Variants in CAMK2B observed in about 807,000 individuals in gnomAD.
CAMK2B encodes calcium/calmodulin-dependent protein kinase type II subunit beta.
In CAMK2B, 27 loss-of-function variants were observed where a neutral mutation model predicts 93.7. That is an observed-to-expected ratio of 0.29 (90% CI 0.21 to 0.40). The LOEUF is 0.40. Ranked by LOEUF, CAMK2B falls within the 10% of genes least tolerant of loss-of-function variation. CAMK2B has a pLI of 1.00. For synonymous variants in CAMK2B, 374 were observed against 358.8 expected (o/e 1.04, Z -0.48); for missense variants, 568 against 895.8 (o/e 0.63, Z 4.67).
intron 4 of CAMK2B, among the ~76,000 whole-genome samples, chr7:44,257,610 G>A (rs1156847483): frequency 1.3e-5 from 2 of 152,358 alleles, no homozygotes; most frequent in African/African-American, 2.4e-5. Context: ...AGCTCCCCAG[G>A]GCCACAGGAC....
chr7:44,260,280 T>C (rs1351116877), intron 3 of CAMK2B, among the ~76,000 whole-genome samples: 1 of 152,152 alleles, frequency 6.6e-6, no homozygotes, highest in Non-Finnish European at 1.5e-5. Context: ...CTGGCTCTGG[T>C]TCTCCCAGGG....
chr7:44,246,501 A>G (rs1029143466), intron 6 of CAMK2B, among the ~76,000 whole-genome samples: 2 of 152,196 alleles, frequency 1.3e-5, no homozygotes, highest in South Asian at 4.1e-4. Context: ...TCACATATGC[A>G]TGCGCATGAA....
chr7:44,220,776 GGT>G, intron 21 of CAMK2B, 48 bp downstream of exon 21: 6 of 1,562,904 alleles, frequency 3.8e-6, no homozygotes, highest in Non-Finnish European at 5.2e-6. Context: ...CCCCCCCAAG[GGT>G]CCCACATCCT....
intron 1 of CAMK2B, among the ~76,000 whole-genome samples, chr7:44,297,393 C>T (rs546994718): frequency 6.6e-6 from 1 of 151,800 alleles, no homozygotes; most frequent in South Asian, 2.1e-4. Context: ...CTCAATTAAA[C>T]CACAGAAAGC....
chr7:44,260,563 C>T (rs1164760767), intron 3 of CAMK2B, among the ~76,000 whole-genome samples: 4 of 152,194 alleles, frequency 2.6e-5, no homozygotes, highest in Non-Finnish European at 5.9e-5. Flanking sequence ...ATCTGCCCCT[C>T]TATGAAATAG....
In CAMK2B at chr7:44,228,940, T is replaced by A; in HGVS notation, c.1340-16A>T. 6.2e-7 allele frequency: 1 copy of A among 1,606,896 alleles called. No individual in the cohort carries two copies. Among genetic ancestry groups the A allele is most frequent in the Non-Finnish European group, 8.5e-7 (1 of 1,176,358 alleles). On this transcript the variant is annotated splice_polypyrimidine_tract_variant and intron_variant, in intron 18 of 23. Coordinates refer to ENST00000395749, the MANE Select transcript of CAMK2B (RefSeq NM_001220.5). ...ATCCTGGGGGCTGGGGTGGAACAGA[T>A]GAGACGTGAACATGAGGCAGACAGA...
At chr7:44,240,606 C>G (rs753254458) in intron 12 of CAMK2B, 101 bp downstream of exon 12, 1 of 1,353,706 alleles carries the variant, frequency 7.4e-7, no homozygotes, top group Non-Finnish European at 1.0e-6. Context: ...GCAGGCCTGC[C>G]GCAGAGGAGG....
intron 13 of CAMK2B, among the ~76,000 whole-genome samples, chr7:44,236,481 G>A (rs922766078): frequency 2.0e-5 from 3 of 152,358 alleles, no homozygotes; most frequent in Admixed American, 2.0e-4. Context: ...GCCCCTCCTG[G>A]TGAAGCTGAG....
rs1350564421 is a variant in CAMK2B, at chr7:44,225,937, C to A, written c.1597+579G>T. ...AGTCGGCAGACAGACCGGGAGGTGGCCCAGCCTGGCTCCTCCCTGGCCGGG... is the reference window on the plus strand; with the variant it reads ...AGTCGGCAGACAGACCGGGAGGTGGACCAGCCTGGCTCCTCCCTGGCCGGG... On this transcript the variant is annotated intron_variant, in intron 20 of 23. Coordinates refer to ENST00000395749, the MANE Select transcript of CAMK2B (RefSeq NM_001220.5). This position sits in a 1 kb window ranked among gnomAD's most constrained non-coding sequence, Gnocchi z 5.0. 1.6e-6 allele frequency: 2 copies of A among 1,269,970 alleles called. No homozygotes were observed. The highest frequency in any genetic ancestry group is 2.0e-6 in the Non-Finnish European group (2 of 976,096). 78.7% of individuals were successfully genotyped at this position (1,269,970 alleles called of 1,614,324 possible).
intron 20 of CAMK2B, among the ~76,000 whole-genome samples, chr7:44,222,803 C>T (rs1169328369): frequency 2.0e-5 from 3 of 149,172 alleles, no homozygotes; most frequent in African/African-American, 7.5e-5. Flanking sequence ...CTCGCCAGAC[C>T]TCTGGGAGCT....
At chr7:44,284,087 C>T in intron 2 of CAMK2B, 44 bp downstream of exon 2, 1 of 1,468,056 alleles carries the variant, frequency 6.8e-7, no homozygotes, top group Non-Finnish European at 9.5e-7. Context: ...AAAGCCCCTG[C>T]CCCAGCCTGA....
At chr7:44,231,089 G>A (rs372985355) in intron 16 of CAMK2B, 35 bp from the exon 17 acceptor site, 18 of 1,543,816 alleles carry the variant, frequency 1.2e-5, no homozygotes, top group East Asian at 7.3e-5. Flanking sequence ...GTCAGGATGC[G>A]GCCAAGGATA....
In CAMK2B at chr7:44,248,324, C is replaced by T. The variant is rs1307705960; in HGVS notation, c.342-1132G>A. Among the ~76,000 whole-genome samples the T allele has an allele frequency of 6.6e-6, 1 of 152,200 alleles. No homozygotes were observed. Among genetic ancestry groups the T allele is most frequent in the Admixed American group, 6.5e-5 (1 of 15,286 alleles). ...CACCTCCCTGACACCTGTCCTAGAG[C>T]ACATCAGACCCAGGGCCACGGAGCC... On this transcript the variant is annotated intron_variant, in intron 5 of 23. Transcript: ENST00000395749. The surrounding 1 kb of genome is among the most constrained non-coding windows in gnomAD (Gnocchi z 4.1).
At chr7:44,219,752 C>T (rs2096375176) in intron 23 of CAMK2B, 1 of 451,884 alleles carries the variant, frequency 2.2e-6, no homozygotes, top group Non-Finnish European at 3.9e-6. Context: ...TAACAGTCCT[C>T]ACAAACAGGG....
chr7:44,311,815 A>C lies in CAMK2B; in HGVS notation c.65+13542T>G, dbSNP rs937804792. On this transcript the variant is annotated intron_variant, in intron 1 of 23. Coordinates refer to ENST00000395749, the MANE Select transcript of CAMK2B (RefSeq NM_001220.5). This position sits in a 1 kb window ranked among gnomAD's most constrained non-coding sequence, Gnocchi z 4.2. ...GACAAGGGGAAGGGGTGTGTGACTG[A>C]CTCTGCCCTACCCCCACTCTGGGCA... 6.6e-6 allele frequency among the ~76,000 whole-genome samples: 1 copy of C among 151,868 alleles called. No homozygotes were observed. Among genetic ancestry groups the C allele is most frequent in the African/African-American group, 2.4e-5 (1 of 41,344 alleles).
intron 22 of CAMK2B, 110 bp downstream of exon 22, chr7:44,220,506 A>G (rs2128859874): frequency 5.9e-6 from 6 of 1,013,290 alleles, no homozygotes; most frequent in Non-Finnish European, 7.2e-6. Context: ...AACCCTGGGC[A>G]CAGAGGGGAC....
chr7:44,283,387 A>G (rs927172325), intron 2 of CAMK2B, among the ~76,000 whole-genome samples: 4 of 152,214 alleles, frequency 2.6e-5, no homozygotes, highest in African/African-American at 4.8e-5. Flanking sequence ...CTGCTCCATC[A>G]CTGCCTGCAG....
At chr7:44,278,415 G>A (rs1047013645) in intron 2 of CAMK2B, among the ~76,000 whole-genome samples, 1 of 152,186 alleles carries the variant, frequency 6.6e-6, no homozygotes, top group Non-Finnish European at 1.5e-5. Context: ...GGCAGTCAGG[G>A]TTGAAGCAGG....
intron 6 of CAMK2B, among the ~76,000 whole-genome samples, 191 bp downstream of exon 6, chr7:44,246,929 C>T (rs1317987654): frequency 1.3e-5 from 2 of 152,106 alleles, no homozygotes; most frequent in African/African-American, 4.8e-5. Context: ...CCACACAGGA[C>T]ATGCACACAC....
Sources: gnomAD v4.1 joint callset for allele counts (sites outside exome capture counted in the v4.1 genomes callset) on GRCh38, gnomAD v4.1.1 for gene constraint, Gnocchi (gnomAD v3.1) non-coding constraint, MANE v1.5 for transcripts, NCBI Gene and HGNC (gene_info 2026-07-23, HGNC 2026-07-21) for gene names.